Variants in C11orf65 observed in about 807,000 individuals in gnomAD.
The protein encoded by C11orf65 is protein MFI.
A neutral mutation model predicts 35.3 loss-of-function variants in C11orf65; 38 were observed. The ratio of observed to expected loss-of-function variants is 1.08; its 90% CI spans 0.83 to 1.41. The LOEUF (loss-of-function observed/expected upper bound fraction) is 1.41, where lower values mean the gene tolerates loss of function less well. Among genes scored for constraint, C11orf65 ranks in the 40% most tolerant of loss-of-function variants. The probability of loss-of-function intolerance (pLI) is 0.00; values close to 1 mark genes in which losing one functional copy is unlikely to be tolerated. For missense variants in C11orf65, 370 were observed against 367.1 expected (o/e 1.01, Z -0.06); for synonymous variants, 105 against 114.4 (o/e 0.92, Z 0.53).
rs1397846868 is a variant in C11orf65, at chr11:108,331,685, A to G, written c.300-118T>C. 6 of 1,349,424 alleles carry G rather than the reference A, an allele frequency of 4.4e-6. No homozygotes were observed. In the Admixed American group the frequency reaches 1.6e-4, roughly 36 times the overall value. The allele number at this position is 1,349,424 out of a possible 1,614,324, so 83.6% of individuals were successfully genotyped here. A position where few individuals can be genotyped will look rare whatever the true frequency, so the allele number is the denominator to read the frequency against. On this transcript the variant is annotated intron_variant, in intron 3 of 3. Transcript: ENST00000524755. ...AAAATTTTGTATTTTTTGTCTTCTC[A>G]CATCACATAAGTTACTCATTTTCTC... is the stretch of plus-strand genomic sequence containing the variant.
At chr11:108,346,050 A>T (rs1397681507) in intron 2 of C11orf65, 1 of 871,448 alleles carries the variant, frequency 1.1e-6, no homozygotes, top group Non-Finnish European at 1.8e-6. Context: ...CATCTTCATT[A>T]TTAAATCATA....
At chr11:108,428,142 T>C (rs2135393879) in intron 3 of C11orf65, among the ~76,000 whole-genome samples, 1 of 151,984 alleles carries the variant, frequency 6.6e-6, no homozygotes, top group South Asian at 2.1e-4. Context: ...ATGGCAATCA[T>C]TAAAAAGTCA....
rs2136169784 is a variant in C11orf65 at position 108,317,502 on chromosome 11, G to C, written c.641-8431C>G. On this transcript the variant is annotated intron_variant, in intron 6 of 6. Coordinates refer to the C11orf65 transcript ENST00000525729. The stretch of plus-strand genomic sequence containing the variant: ...AGCAGCATGGAGGAATATGCAGTGG[G>C]ACCATTGCACTTCCGTCAGGTAAGA... The C allele has an allele frequency of 1.2e-6, 2 of 1,609,816 alleles. No homozygotes were observed. Among genetic ancestry groups the C allele is most frequent in the Admixed American group, 3.3e-5 (2 of 59,770 alleles).
At chr11:108,448,329 C>T (rs1474491904) in intron 2 of C11orf65, among the ~76,000 whole-genome samples, 3 of 151,884 alleles carry the variant, frequency 2.0e-5, no homozygotes, top group Admixed American at 6.6e-5. Context: ...GAGACACAAC[C>T]GAAAAAGAGA....
At chr11:108,390,377 C>T (rs1024106892) in intron 7 of C11orf65, among the ~76,000 whole-genome samples, 3 of 152,178 alleles carry the variant, frequency 2.0e-5, no homozygotes, top group Non-Finnish European at 1.5e-5. Context: ...TATCACTTAG[C>T]GGATGATGGC....
At chr11:108,396,772 T>C (rs768550472) in intron 6 of C11orf65, among the ~76,000 whole-genome samples, 16 of 151,308 alleles carry the variant, frequency 1.1e-4, no homozygotes, top group Non-Finnish European at 2.1e-4. Flanking sequence ...AGACGGAGCT[T>C]GCAGTGAGCT....
intron 2 of C11orf65, among the ~76,000 whole-genome samples, chr11:108,348,178 T>C (rs227076): frequency 0.52 from 78,006 of 149,996 alleles, 20,883 homozygotes; most frequent in Middle Eastern, 0.72. Context: ...CTAGGTGGAA[T>C]AGACAGTTTA....
intron 3 of C11orf65, among the ~76,000 whole-genome samples, chr11:108,408,340 G>T (rs1238942868): frequency 6.6e-6 from 1 of 152,022 alleles, no homozygotes; most frequent in Non-Finnish European, 1.5e-5. Context: ...AACAGTAGAT[G>T]ACCTTTCCTA....
At chr11:108,461,664 G>A in intron 1 of C11orf65, 96 bp from the exon 2 acceptor site, 1 of 823,742 alleles carries the variant, frequency 1.2e-6, no homozygotes, top group East Asian at 3.0e-5. Context: ...TTCTTGCTCT[G>A]TCACCCAAGC....
chr11:108,462,186 G>A (rs1257163253), intron 1 of C11orf65, among the ~76,000 whole-genome samples: 4 of 152,046 alleles, frequency 2.6e-5, no homozygotes, highest in Admixed American at 2.6e-4. Flanking sequence ...TGGGACTACA[G>A]GCACATGCTA....
intron 3 of C11orf65, among the ~76,000 whole-genome samples, chr11:108,417,104 G>A (rs886067625): frequency 9.2e-5 from 14 of 152,120 alleles, no homozygotes; most frequent in African/African-American, 2.4e-4. Flanking sequence ...GAAAAAGAAC[G>A]TAGAACGTCT....
chr11:108,331,443 G>A lies in C11orf65; in HGVS notation c.*107C>T. The A allele has an allele frequency of 6.2e-7, 1 of 1,612,394 alleles. No individual in the cohort carries two copies. The highest frequency in any genetic ancestry group is 1.1e-5 in the South Asian group (1 of 90,926). On this transcript the variant is annotated 3_prime_UTR_variant, in exon 4 of 4. Transcript: ENST00000524755. ...ATTTTGTGTCTTTTTTTTAATGGTA[G>A]AGAGACGGAATGAAGATTCCAACAT...
intron 1 of C11orf65, among the ~76,000 whole-genome samples, chr11:108,465,496 G>A (rs1591630553): frequency 1.3e-5 from 2 of 152,266 alleles, no homozygotes; most frequent in African/African-American, 2.4e-5. Context: ...GAAAAAAAGG[G>A]AGATTTGGCC....
intron 3 of C11orf65, among the ~76,000 whole-genome samples, chr11:108,424,931 GAAAT>G (rs757965131): frequency 4.6e-5 from 7 of 152,152 alleles, no homozygotes; most frequent in Non-Finnish European, 7.3e-5. Context: ...AACGAAGGCA[GAAAT>G]AAATAAGTTA....
In C11orf65 at chr11:108,354,868, T is replaced by C. The variant is rs878853551; in HGVS notation, c.227-19576A>G. On this transcript the variant is annotated intron_variant, in intron 2 of 3. Transcript: ENST00000524755. ...ACTCTCAGGAAACTCTGTTAACCAT[T>C]GTAGAGGTAAAGTATTTTATAAGGA... 1.9e-6 allele frequency: 3 copies of C among 1,612,320 alleles called. No homozygotes were observed. The African/African-American group carries it at 4.0e-5, about 22-fold the overall frequency.
At chr11:108,455,208 C>G (rs1565723388) in intron 2 of C11orf65, among the ~76,000 whole-genome samples, 1 of 151,930 alleles carries the variant, frequency 6.6e-6, no homozygotes, top group African/African-American at 2.4e-5. Context: ...CCCCTGCTTA[C>G]TACTTGTATT....
chr11:108,427,338 AC>A (rs1243721818), intron 3 of C11orf65, among the ~76,000 whole-genome samples: 2 of 150,014 alleles, frequency 1.3e-5, no homozygotes, highest in Admixed American at 6.6e-5. Flanking sequence ...AAACAAATTT[AC>A]AAAAAAAAAA....
chr11:108,364,992 G>A, intron 2 of C11orf65: 2 of 1,466,200 alleles, frequency 1.4e-6, no homozygotes, highest in Non-Finnish European at 1.9e-6. Context: ...CCATGTGACT[G>A]GCTTATTTGT....
At chr11:108,449,887 T>A (rs1182293373) in intron 2 of C11orf65, among the ~76,000 whole-genome samples, 1 of 151,656 alleles carries the variant, frequency 6.6e-6, no homozygotes, top group Non-Finnish European at 1.5e-5. Flanking sequence ...AACCTACTCA[T>A]CTGACAAAGG....
Sources: allele counts gnomAD v4.1 joint callset (sites outside exome capture counted in the v4.1 genomes callset), GRCh38; gene constraint gnomAD v4.1.1; transcripts MANE v1.5; gene names NCBI Gene and HGNC (gene_info 2026-07-23, HGNC 2026-07-21).